The following PTPRF variants were observed in gnomAD, a reference collection of about 807,000 sequenced individuals.
PTPRF encodes the protein protein tyrosine phosphatase receptor type F, also known as receptor-type tyrosine-protein phosphatase F.
PTPRF carries 59 observed loss-of-function variants against 201.8 expected under a neutral mutation model. The ratio of observed to expected loss-of-function variants is 0.29; its 90% CI spans 0.24 to 0.36. The LOEUF (loss-of-function observed/expected upper bound fraction) is 0.36. PTPRF is among the 10% of genes least tolerant of loss of function. The pLI is 1.00. For missense variants in PTPRF, 2,132 were observed against 2,690.5 expected, an observed-to-expected ratio of 0.79 and a Z score of 4.59; for synonymous variants, 1,088 against 1,089.7, an observed-to-expected ratio of 1.00 and a Z score of 0.03.
Position 43,603,340 on chromosome 1 carries a change from G to C in PTPRF, c.2341-76G>C, listed in dbSNP as rs1409694081. 3 of 1,329,778 alleles carry C rather than the reference G, an allele frequency of 2.3e-6. No individual in the cohort carries two copies. In the African/African-American group the frequency reaches 4.3e-5, roughly 19 times the overall value. 82.4% of individuals were successfully genotyped at this position (1,329,778 alleles called of 1,614,324 possible). On this transcript the variant is annotated intron_variant, in intron 14 of 33. Coordinates refer to ENST00000359947, the MANE Select transcript of PTPRF (RefSeq NM_002840.5). This position sits in a 1 kb window ranked among gnomAD's most constrained non-coding sequence, Gnocchi z 5.8. The stretch of plus-strand genomic sequence containing the variant: ...TGCCCCGGGGCTCCCCTCAGGCTAG[G>C]GTCCTGAGGTCCCTGACAAGGTCTG...
chr1:43,573,361 C>T (rs74706712), intron 6 of PTPRF, among the ~76,000 whole-genome samples: 3,861 of 152,264 alleles, frequency 0.025, 161 homozygotes, highest in African/African-American at 0.088. Flanking sequence ...CATCCTTTGT[C>T]GTAGAGGACA....
At chr1:43,621,069 C>T in intron 32 of PTPRF, 28 bp from the exon 33 acceptor site, 2 of 1,612,462 alleles carry the variant, frequency 1.2e-6, no homozygotes, top group Non-Finnish European at 1.7e-6. Flanking sequence ...GCAAGCAGGA[C>T]TCCTGACCCA....
chr1:43,530,597 T>A (rs1643348462), upstream of PTPRF, among the ~76,000 whole-genome samples: 1 of 152,140 alleles, frequency 6.6e-6, no homozygotes, highest in South Asian at 2.1e-4. The surrounding 1 kb of genome is among the most constrained non-coding windows in gnomAD (Gnocchi z 4.1). Flanking sequence ...AATGGGGTCC[T>A]AGAGTGGTAT....
At chr1:43,590,053 T>C (rs1458044133) in intron 8 of PTPRF, among the ~76,000 whole-genome samples, 2 of 152,114 alleles carry the variant, frequency 1.3e-5, no homozygotes, top group African/African-American at 4.8e-5. Flanking sequence ...CAGATCAGGA[T>C]CCTCACTGTG....
At chr1:43,616,300 C>T (rs1657843043) in intron 23 of PTPRF, among the ~76,000 whole-genome samples, 1 of 151,364 alleles carries the variant, frequency 6.6e-6, no homozygotes, top group Non-Finnish European at 1.5e-5. Context: ...GTGCCAGGCA[C>T]ACTGTGGGTC....
At chr1:43,616,183 T>C (rs1426930098) in intron 23 of PTPRF, among the ~76,000 whole-genome samples, 3 of 151,032 alleles carry the variant, frequency 2.0e-5, no homozygotes, top group Non-Finnish European at 2.9e-5. Context: ...CATTGCGTGC[T>C]ATGCTGAGAA....
chr1:43,527,847 G>A (rs1180951906), upstream of PTPRF, among the ~76,000 whole-genome samples: 1 of 152,208 alleles, frequency 6.6e-6, no homozygotes, highest in Admixed American at 6.5e-5. Flanking sequence ...AGAAGACTGG[G>A]GCTGGATGAG....
intron 5 of PTPRF, among the ~76,000 whole-genome samples, chr1:43,563,006 C>T (rs917509052): frequency 1.3e-5 from 2 of 151,522 alleles, no homozygotes; most frequent in South Asian, 2.1e-4. Flanking sequence ...AGTGAAACCC[C>T]GTCTCTACTA....
chr1:43,597,074 A>T (rs1455273791), intron 11 of PTPRF, among the ~76,000 whole-genome samples: 1 of 151,828 alleles, frequency 6.6e-6, no homozygotes, highest in Non-Finnish European at 1.5e-5. Context: ...TGTGTGTGAG[A>T]CACCATGAGA....
At chr1:43,594,446 G>A (rs1345917631) in intron 11 of PTPRF, among the ~76,000 whole-genome samples, 3 of 151,832 alleles carry the variant, frequency 2.0e-5, no homozygotes, top group East Asian at 2.0e-4. Context: ...AGTAGCTGCC[G>A]GATCTATGGC....
At position 43,619,129 on chromosome 1, in the gene PTPRF, C is replaced by G. The variant is rs956429904; in HGVS notation, c.4573C>G (p.Pro1525Ala). 4 of 1,613,948 alleles carry G rather than the reference C, an allele frequency of 2.5e-6. No homozygotes were observed. The highest frequency in any genetic ancestry group is 3.4e-6 in the Non-Finnish European group (4 of 1,179,960). The change falls in exon 27 of 34, where the codon CCC (proline) becomes GCC (alanine). Residue 1525 changes from proline to alanine, a missense_variant. Pro to Ala is a conservative substitution (Grantham distance 27). Transcript: ENST00000359947. Reference sequence around the variant, plus strand: ...CCATGGAGTTCCTGAGTACCCAACTCCCATCCTGGCCTTCCTACGACGGGT... The same window carrying G: ...CCATGGAGTTCCTGAGTACCCAACTGCCATCCTGGCCTTCCTACGACGGGT... ...PDHGVPEYPT[P>A]ILAFLRRVKA...
chr1:43,544,965 CAG>C (rs1644570686), intron 2 of PTPRF, 64 bp from the exon 3 acceptor site: 2 of 923,442 alleles, frequency 2.2e-6, no homozygotes, highest in South Asian at 1.7e-5. Flanking sequence ...CAGAAAGCGT[CAG>C]GGGTGGGCAT....
chr1:43,576,072 C>G (rs1266687978), intron 6 of PTPRF: 1 of 627,104 alleles, frequency 1.6e-6, no homozygotes, highest in Non-Finnish European at 2.6e-6. Context: ...CCCAACACCA[C>G]CGGCCACCAC....
upstream of PTPRF, among the ~76,000 whole-genome samples, chr1:43,522,893 C>T (rs1042320301): frequency 2.0e-5 from 3 of 152,130 alleles, no homozygotes; most frequent in East Asian, 5.8e-4. Context: ...GTAAGCCATT[C>T]GAAGGTTTTC....
upstream of PTPRF, chr1:43,525,274 A>C (rs1306305468): frequency 6.6e-6 from 1 of 152,670 alleles, no homozygotes; most frequent in Non-Finnish European, 1.5e-5. Context: ...GCAGGAGAGG[A>C]GCAGTTTTGG....
At chr1:43,550,869 G>C (rs916167541) in intron 3 of PTPRF, among the ~76,000 whole-genome samples, 1 of 152,118 alleles carries the variant, frequency 6.6e-6, no homozygotes, top group Non-Finnish European at 1.5e-5. Flanking sequence ...AGGATGAATG[G>C]AAGTTAGAGT....
At chr1:43,594,599 G>T (rs577535270) in intron 11 of PTPRF, among the ~76,000 whole-genome samples, 1 of 152,238 alleles carries the variant, frequency 6.6e-6, no homozygotes, top group African/African-American at 2.4e-5. Context: ...CGCAGGTGAG[G>T]TGATGGCGGT....
Position 43,606,250 on chromosome 1 carries a change from C to T in PTPRF, c.3494C>T (p.Ala1165Val). The T allele has an allele frequency of 6.2e-7, 1 of 1,612,926 alleles. No individual in the cohort carries two copies. The highest frequency in any genetic ancestry group is 1.1e-5 in the South Asian group (1 of 91,036). The change falls in exon 20 of 34, where the codon GCC becomes GTC. Residue 1165 changes from alanine to valine, a missense_variant. Coordinates refer to ENST00000359947, the MANE Select transcript of PTPRF (RefSeq NM_002840.5). ...GCTCTGCTCTGCCAGCTTCTAGAAGCCATCGAGCAAGGCGGAGAGGAGCAG... is the reference window on the plus strand; with the variant it reads ...GCTCTGCTCTGCCAGCTTCTAGAAGTCATCGAGCAAGGCGGAGAGGAGCAG... ...EELELDELLE[A>V]IEQGGEEQRR... is the part of the protein sequence containing the mutation.
At position 43,578,838 on chromosome 1, in the gene PTPRF, A is replaced by C; in HGVS notation, c.597A>C (p.Glu199Asp). 5 of 1,614,164 alleles carry C rather than the reference A, an allele frequency of 3.1e-6. No individual in the cohort carries two copies. Among genetic ancestry groups the C allele is most frequent in the Non-Finnish European group, 4.2e-6 (5 of 1,179,994 alleles). ...SGALQIESSE[E>D]SDQGKYECVA... is the part of the protein sequence containing the mutation. Reference sequence around the variant, plus strand: ...CCTTGCAGATAGAGAGCAGTGAGGAATCCGACCAAGGCAAGTACGAGTGTG... The same window carrying C: ...CCTTGCAGATAGAGAGCAGTGAGGACTCCGACCAAGGCAAGTACGAGTGTG... The change falls in exon 7 of 34, where the codon GAA (glutamate) becomes GAC (aspartate). Residue 199 changes from glutamate to aspartate, a missense_variant. This residue lies in a region of PTPRF where 297 missense variants were observed against 454.0 expected (regional missense o/e 0.65). Coordinates refer to ENST00000359947, the MANE Select transcript of PTPRF (RefSeq NM_002840.5).
Sources: gnomAD v4.1 joint callset for allele counts (sites outside exome capture counted in the v4.1 genomes callset) on GRCh38, gnomAD v4.1.1 for gene constraint, gnomAD v4.1.1 regional missense constraint, Gnocchi (gnomAD v3.1) non-coding constraint, MANE v1.5 for transcripts, NCBI Gene and HGNC (gene_info 2026-07-23, HGNC 2026-07-21) for gene names.